The following RSRC1 variants were observed in gnomAD, a reference collection of about 807,000 sequenced individuals.
RSRC1 encodes the protein serine/Arginine-related protein 53.
A neutral mutation model predicts 49.1 loss-of-function variants in RSRC1; 39 were observed. The ratio of observed to expected loss-of-function variants is 0.79; its 90% confidence interval spans 0.61 to 1.04. RSRC1 has a LOEUF of 1.04. Ranked by LOEUF, RSRC1 falls within the 50% of genes least tolerant of loss-of-function variation. The pLI is 0.00. For synonymous variants in RSRC1, 143 were observed against 130.8 expected (o/e 1.09, Z -0.63); for missense variants, 388 against 402.4 (o/e 0.96, Z 0.31).
chr3:158,304,825 T>G (rs1387059921), intron 5 of RSRC1, among the ~76,000 whole-genome samples: 4 of 152,178 alleles, frequency 2.6e-5, no homozygotes, highest in Admixed American at 2.6e-4. Flanking sequence ...AAGTTTTTCT[T>G]CTTTCTACAA....
intron 4 of RSRC1, among the ~76,000 whole-genome samples, chr3:158,258,161 A>G (rs949473985): frequency 1.6e-5 from 2 of 126,256 alleles, no homozygotes; most frequent in Non-Finnish European, 3.3e-5. Context: ...ATGATTTCTT[A>G]TGCTCATTAA....
At chr3:158,272,198 T>G (rs1420515732) in intron 4 of RSRC1, among the ~76,000 whole-genome samples, 1 of 152,128 alleles carries the variant, frequency 6.6e-6, no homozygotes, top group South Asian at 2.1e-4. Context: ...CCTGCACAAC[T>G]TTTTGTGTGA....
intron 3 of RSRC1, among the ~76,000 whole-genome samples, chr3:158,180,941 A>T (rs979239333): frequency 1.3e-5 from 2 of 149,972 alleles, no homozygotes; most frequent in African/African-American, 4.9e-5. Context: ...AGTAGCTGGG[A>T]TTTCAGGCGC....
intron 6 of RSRC1, among the ~76,000 whole-genome samples, chr3:158,454,053 A>T (rs1737190745): frequency 6.6e-6 from 1 of 151,984 alleles, no homozygotes; most frequent in Non-Finnish European, 1.5e-5. Context: ...GTTTCACCAC[A>T]ATTTGCTTAT....
At chr3:158,277,734 C>T (rs1489146379) in intron 4 of RSRC1, among the ~76,000 whole-genome samples, 1 of 152,132 alleles carries the variant, frequency 6.6e-6, no homozygotes, top group Non-Finnish European at 1.5e-5. Context: ...TGCATATAAG[C>T]ACCATTTTGC....
intron 6 of RSRC1, among the ~76,000 whole-genome samples, chr3:158,418,249 G>C (rs1734853009): frequency 6.6e-6 from 1 of 151,828 alleles, no homozygotes; most frequent in Non-Finnish European, 1.5e-5. Context: ...AAAAGCCAAG[G>C]ATATGACCAT....
chr3:158,393,102 A>G (rs1733409814), intron 6 of RSRC1, among the ~76,000 whole-genome samples: 1 of 152,128 alleles, frequency 6.6e-6, no homozygotes, highest in Admixed American at 6.6e-5. Flanking sequence ...GGAAATAAAA[A>G]AATTCTTTGA....
At chr3:158,382,364 G>A (rs1246620219) in intron 6 of RSRC1, among the ~76,000 whole-genome samples, 1 of 152,110 alleles carries the variant, frequency 6.6e-6, no homozygotes, top group African/African-American at 2.4e-5. Context: ...GTATAGTACT[G>A]TGAATACATA....
At chr3:158,446,561 T>C (rs953719499) in intron 6 of RSRC1, among the ~76,000 whole-genome samples, 2 of 152,026 alleles carry the variant, frequency 1.3e-5, no homozygotes, top group Non-Finnish European at 2.9e-5. Context: ...AAATTTCTTA[T>C]ATATTGTGTT....
At chr3:158,449,195 A>T (rs1338193025) in intron 6 of RSRC1, among the ~76,000 whole-genome samples, 2 of 151,906 alleles carry the variant, frequency 1.3e-5, no homozygotes, top group Non-Finnish European at 2.9e-5. Context: ...CTTGAGAAAA[A>T]TTATTCTTAT....
At chr3:158,370,815 T>A (rs947419719) in intron 6 of RSRC1, among the ~76,000 whole-genome samples, 1 of 151,916 alleles carries the variant, frequency 6.6e-6, no homozygotes, top group East Asian at 1.9e-4. Flanking sequence ...TTACTAAGGT[T>A]ATATAGTAAG....
chr3:158,340,535 C>T (rs763622472), intron 5 of RSRC1, among the ~76,000 whole-genome samples: 8 of 151,766 alleles, frequency 5.3e-5, no homozygotes, highest in Non-Finnish European at 1.0e-4. Flanking sequence ...AGCAAGAGTC[C>T]GTCTCAAAAA....
intron 3 of RSRC1, among the ~76,000 whole-genome samples, chr3:158,151,754 A>G (rs1348850953): frequency 6.6e-6 from 1 of 152,176 alleles, no homozygotes; most frequent in East Asian, 1.9e-4. Flanking sequence ...GCATGCAAAA[A>G]GTTCTGGGAG....
chr3:158,219,002 T>G (rs1722096734), intron 4 of RSRC1, among the ~76,000 whole-genome samples: 1 of 151,692 alleles, frequency 6.6e-6, no homozygotes, highest in Admixed American at 6.6e-5. Flanking sequence ...TGACAGAAGA[T>G]GCCCACTATA....
intron 6 of RSRC1, among the ~76,000 whole-genome samples, chr3:158,359,567 A>G (rs1731355505): frequency 6.6e-6 from 1 of 152,074 alleles, no homozygotes; most frequent in Non-Finnish European, 1.5e-5. Context: ...GCACACTACA[A>G]GCAGCTTCCA....
intron 5 of RSRC1, among the ~76,000 whole-genome samples, chr3:158,347,579 A>G (rs1475251771): frequency 1.3e-5 from 2 of 152,104 alleles, no homozygotes; most frequent in African/African-American, 4.8e-5. Context: ...ATGGAGTCTT[A>G]CTCTGTCTGG....
intron 3 of RSRC1, among the ~76,000 whole-genome samples, chr3:158,159,739 C>T (rs1718102256): frequency 6.6e-6 from 1 of 151,998 alleles, no homozygotes; most frequent in Non-Finnish European, 1.5e-5. Flanking sequence ...AGTTCTTTAA[C>T]TTTTTTTGAT....
intron 7 of RSRC1, among the ~76,000 whole-genome samples, chr3:158,535,866 T>C (rs989225847): frequency 6.6e-6 from 1 of 151,422 alleles, no homozygotes; most frequent in African/African-American, 2.4e-5. Context: ...AATCAAACAT[T>C]TATTGGGACT....
intron 3 of RSRC1, among the ~76,000 whole-genome samples, chr3:158,143,584 A>C (rs1716882249): frequency 1.3e-5 from 2 of 152,220 alleles, no homozygotes; most frequent in Non-Finnish European, 2.9e-5. Flanking sequence ...TCTATCAATA[A>C]AACAATAGCT....
Sources: allele counts gnomAD v4.1 joint callset (sites outside exome capture counted in the v4.1 genomes callset), GRCh38; gene constraint gnomAD v4.1.1; transcripts MANE v1.5; gene names NCBI Gene and HGNC (gene_info 2026-07-23, HGNC 2026-07-21).